Variants in PI4K2B observed in about 807,000 individuals in gnomAD.
PI4K2B encodes the protein phosphatidylinositol 4-kinase type 2-beta.
Under a neutral mutation model 56.6 loss-of-function variants are expected in PI4K2B, and 46 were observed. The ratio of observed to expected loss-of-function variants is 0.81; its 90% confidence interval spans 0.64 to 1.04. The LOEUF (loss-of-function observed/expected upper bound fraction) is 1.04. PI4K2B is among the 50% of genes least tolerant of loss of function. The probability of loss-of-function intolerance (pLI) is 0.00; values close to 1 mark genes in which losing one functional copy is unlikely to be tolerated. For synonymous variants in PI4K2B, 211 were observed against 223.8 expected (o/e 0.94, Z 0.51); for missense variants, 556 against 607.7 (o/e 0.91, Z 0.89).
chr4:25,258,406 T>C (rs1221445414), intron 4 of PI4K2B: 2 of 151,934 alleles, frequency 1.3e-5, no homozygotes, highest in East Asian at 3.9e-4. Flanking sequence ...ACAGGGTTTT[T>C]ACCATGTTGG....
chr4:25,246,111 G>A (rs375411376), intron 1 of PI4K2B, among the ~76,000 whole-genome samples: 7 of 151,984 alleles, frequency 4.6e-5, no homozygotes, highest in Admixed American at 2.0e-4. Context: ...AGACCTTCGC[G>A]GTGAGTGTTA....
At chr4:25,250,602 T>A (rs1039098300) in intron 1 of PI4K2B, 1 of 152,242 alleles carries the variant, frequency 6.6e-6, no homozygotes, top group Non-Finnish European at 1.5e-5. Flanking sequence ...ACCAGTTTAA[T>A]ACCTAGGTGA....
At chr4:25,274,896 A>T (rs1160685987) in intron 9 of PI4K2B, among the ~76,000 whole-genome samples, 1 of 152,168 alleles carries the variant, frequency 6.6e-6, no homozygotes. Flanking sequence ...CCCAGGTTCA[A>T]GCGATCCTTG....
At chr4:25,235,174 A>T (rs576973741) in intron 1 of PI4K2B, among the ~76,000 whole-genome samples, 3 of 152,318 alleles carry the variant, frequency 2.0e-5, no homozygotes, top group South Asian at 4.1e-4. Flanking sequence ...GGAGTTAGAC[A>T]AATGTGATGG....
At chr4:25,250,884 C>T (rs1716023875) in intron 1 of PI4K2B, among the ~76,000 whole-genome samples, 1 of 152,070 alleles carries the variant, frequency 6.6e-6, no homozygotes, top group South Asian at 2.1e-4. Context: ...ATACAACCTG[C>T]TGATTGGATG....
chr4:25,240,597 G>T (rs763842741), intron 1 of PI4K2B, among the ~76,000 whole-genome samples: 1 of 152,162 alleles, frequency 6.6e-6, no homozygotes, highest in African/African-American at 2.4e-5. Flanking sequence ...AGACTAAGGT[G>T]CAGGTGCCAG....
chr4:25,256,479 G>A (rs183755950), intron 3 of PI4K2B, 64 bp from the exon 4 acceptor site: 40 of 1,407,208 alleles, frequency 2.8e-5, no homozygotes, highest in Non-Finnish European at 3.5e-5. Context: ...GAGTTTCATG[G>A]TGTATATGAA....
chr4:25,243,290 C>T (rs576040486), intron 1 of PI4K2B, among the ~76,000 whole-genome samples: 2 of 152,218 alleles, frequency 1.3e-5, no homozygotes, highest in African/African-American at 4.8e-5. Context: ...GGGCAGTGCA[C>T]CTTCCAGTGA....
intron 3 of PI4K2B, among the ~76,000 whole-genome samples, chr4:25,256,213 C>T (rs1272079046): frequency 6.6e-6 from 1 of 152,218 alleles, no homozygotes; most frequent in South Asian, 2.1e-4. Context: ...CCACTGCACC[C>T]AGCTAACCTG....
chr4:25,268,507 G>A lies in PI4K2B; in HGVS notation c.1143G>A (p.Leu381=). 2 of 1,598,212 alleles carry A rather than the reference G, an allele frequency of 1.3e-6. No homozygotes were observed. Among genetic ancestry groups the A allele is most frequent in the Non-Finnish European group, 1.7e-6 (2 of 1,168,956 alleles). Residue 381 remains leucine (L), a synonymous_variant, in exon 8 of 10, where the codon TTG becomes TTA. Transcript: ENST00000264864. ...KVPFSEEIRN[L]ILPYISDMNF... is the part of the protein sequence containing the mutation. ...CCTTTTCTGAAGAAATAAGAAATTT[G>A]ATTCTACCATATATTTCTGACATGA...
Position 25,277,228 on chromosome 4 carries a change from A to G in PI4K2B, c.*41A>G, listed in dbSNP as rs1430752441. 4.5e-6 allele frequency: 7 copies of G among 1,539,392 alleles called. No homozygotes were observed. Among genetic ancestry groups the G allele is most frequent in the Non-Finnish European group, 6.2e-6 (7 of 1,132,086 alleles). On this transcript the variant is annotated 3_prime_UTR_variant, in exon 10 of 10. Transcript: ENST00000264864. ...GAGAAACAAACTGTTTAGAATTATC[A>G]TGTTTTTAAAACATCATAGTAATAT...
At chr4:25,260,473 C>A in intron 5 of PI4K2B, 51 bp from the exon 6 acceptor site, 2 of 726,896 alleles carry the variant, frequency 2.8e-6, no homozygotes, top group Non-Finnish European at 2.2e-6. Context: ...TGATATTAAG[C>A]CATGATGTCC....
chr4:25,276,819 G>A (rs972921593), intron 9 of PI4K2B, 195 bp from the exon 10 acceptor site: 71 of 797,722 alleles, frequency 8.9e-5, no homozygotes, highest in African/African-American at 7.4e-4. Context: ...GTGTGTGTGC[G>A]CGTGTGTGTG....
rs534663620 is a variant in PI4K2B, at chr4:25,274,285, G to A, written c.1273-2729G>A. 3.9e-5 allele frequency among the ~76,000 whole-genome samples: 6 copies of A among 152,246 alleles called. No homozygotes were observed. The South Asian group carries it at 6.2e-4, about 16-fold the overall frequency. ...AAAGTCAGTATGTAGAAGCCCACAA[G>A]TTTATACCACCTGCCTGGACCACAG... is the stretch of plus-strand genomic sequence containing the variant. On this transcript the variant is annotated intron_variant, in intron 9 of 9. Transcript: ENST00000264864.
In PI4K2B at chr4:25,249,309, C is replaced by T. The variant is rs542720348; in HGVS notation, c.269-3012C>T. The stretch of plus-strand genomic sequence containing the variant: ...ACCGCCATCGTCATCATGGCCTGTT[C>T]TCAGTGAGCTGTTGGGTACACCTCC... On this transcript the variant is annotated intron_variant, in intron 1 of 9. Transcript: ENST00000264864. Among the ~76,000 whole-genome samples, 7 of 152,310 alleles carry T rather than the reference C, an allele frequency of 4.6e-5. No individual in the cohort carries two copies. The East Asian group carries it at 7.7e-4, about 17-fold the overall frequency.
intron 1 of PI4K2B, among the ~76,000 whole-genome samples, chr4:25,236,444 G>T (rs2109080399): frequency 6.6e-6 from 1 of 151,776 alleles, no homozygotes; most frequent in African/African-American, 2.4e-5. Flanking sequence ...CCAGCTACTT[G>T]GGAGGCTGAG....
At chr4:25,252,959 C>T (rs1377973144) in intron 2 of PI4K2B, among the ~76,000 whole-genome samples, 1 of 152,198 alleles carries the variant, frequency 6.6e-6, no homozygotes, top group Non-Finnish European at 1.5e-5. Flanking sequence ...AGAAACAGAG[C>T]TAATCAGTTC....
intron 3 of PI4K2B, among the ~76,000 whole-genome samples, chr4:25,256,279 G>A (rs1264233976): frequency 1.3e-5 from 2 of 152,194 alleles, no homozygotes; most frequent in African/African-American, 4.8e-5. Flanking sequence ...TTATTCCTAA[G>A]TCTACAGTTC....
Position 25,278,788 on chromosome 4 carries a change from A to G in PI4K2B, c.*1601A>G, listed in dbSNP as rs1240781036. The G allele has an allele frequency of 6.6e-6, 1 of 152,658 alleles. No individual in the cohort carries two copies. The highest frequency in any genetic ancestry group is 2.4e-5 in the African/African-American group (1 of 41,466). 9.5% of individuals were successfully genotyped at this position (152,658 alleles called of 1,614,324 possible). A position where few individuals can be genotyped will look rare whatever the true frequency, so the allele number is the denominator to read the frequency against. On this transcript the variant is annotated 3_prime_UTR_variant, in exon 10 of 10. Transcript: ENST00000264864. ...AGTGATGTGGGTACTGCTTTCATAA[A>G]ACAGTTTTTTCAGTATTTTGAGAAT...
Sources: gnomAD v4.1 joint callset for allele counts (sites outside exome capture counted in the v4.1 genomes callset) on GRCh38, gnomAD v4.1.1 for gene constraint, MANE v1.5 for transcripts, NCBI Gene and HGNC (gene_info 2026-07-23, HGNC 2026-07-21) for gene names.